NWD1: variants seen among roughly 807,000 people sequenced by gnomAD.
The protein encoded by NWD1 is NACHT domain- and WD repeat-containing protein 1.
Under a neutral mutation model 135.1 loss-of-function variants are expected in NWD1, and 129 were observed. The observed-to-expected ratio is 0.96, with a 90% confidence interval of 0.83 to 1.11. The LOEUF (loss-of-function observed/expected upper bound fraction) is 1.11. Among genes scored for constraint, NWD1 ranks in the 50% least tolerant of loss-of-function variants. NWD1 has a pLI of 0.00. For synonymous variants in NWD1, 773 were observed against 786.0 expected (o/e 0.98, Z 0.28); for missense variants, 1,740 against 1,851.3 (o/e 0.94, Z 1.10).
At chr19:16,741,621 G>A (rs1160237416) in intron 4 of NWD1, among the ~76,000 whole-genome samples, 2 of 151,498 alleles carry the variant, frequency 1.3e-5, no homozygotes, top group African/African-American at 4.8e-5. Flanking sequence ...CACCTGCCTC[G>A]GCCTCCCAAA....
At chr19:16,775,661 T>C (rs922354732) in intron 11 of NWD1, among the ~76,000 whole-genome samples, 20 of 152,176 alleles carry the variant, frequency 1.3e-4, no homozygotes, top group African/African-American at 4.6e-4. Flanking sequence ...TATGTTTTTA[T>C]ATTTTTATTT....
Position 16,779,460 on chromosome 19 carries a change from A to G in NWD1, c.2726A>G (p.His909Arg). The G allele has an allele frequency of 5.6e-6, 9 of 1,613,092 alleles. No homozygotes were observed. Among genetic ancestry groups the G allele is most frequent in the Non-Finnish European group, 7.6e-6 (9 of 1,179,954 alleles). Reference protein sequence around the residue: ...EQHVIHMLTGHTGEVRCVKIF... With the variant: ...EQHVIHMLTGRTGEVRCVKIF... ...CATGTGATCCACATGCTAACTGGACACACAGGTGAGACTTGGGAAGTGGGC... is the reference window on the plus strand; with the variant it reads ...CATGTGATCCACATGCTAACTGGACGCACAGGTGAGACTTGGGAAGTGGGC... The change falls in exon 12 of 19, where the codon CAC becomes CGC. Residue 909 changes from histidine to arginine, a missense_variant. His to Arg is a conservative substitution (Grantham distance 29). Transcript: ENST00000524140.
chr19:16,790,178 G>GA (rs938302420), intron 13 of NWD1, among the ~76,000 whole-genome samples: 9 of 151,732 alleles, frequency 5.9e-5, no homozygotes, highest in African/African-American at 1.9e-4. Context: ...ATGCCAGGAG[G>GA]AAAAAAAATC....
intron 14 of NWD1, among the ~76,000 whole-genome samples, chr19:16,791,876 G>C (rs1970259347): frequency 6.6e-6 from 1 of 152,084 alleles, no homozygotes; most frequent in Non-Finnish European, 1.5e-5. Flanking sequence ...CACCACGCCT[G>C]GCTAATTTTG....
At position 16,815,495 on chromosome 19, in the gene NWD1, C is replaced by G. The variant is rs541172574; in HGVS notation, c.*456C>G. On this transcript the variant is annotated 3_prime_UTR_variant, in exon 19 of 19. Transcript: ENST00000524140. ...CTTCTCATCTTTCCATTATTCTTTC[C>G]TCTTTTTCATTTTCATTCTCAGACT... The G allele has an allele frequency of 7.1e-6, 4 of 564,674 alleles. No individual in the cohort carries two copies. In the East Asian group the frequency reaches 8.8e-5, roughly 12 times the overall value. 35.0% of individuals were successfully genotyped at this position (564,674 alleles called of 1,614,324 possible).
intron 12 of NWD1, among the ~76,000 whole-genome samples, chr19:16,781,853 G>A (rs1191843265): frequency 6.6e-6 from 1 of 151,958 alleles, no homozygotes; most frequent in South Asian, 2.1e-4. Flanking sequence ...AGCACTTTGG[G>A]AGGCCTAGGC....
chr19:16,750,987 C>T (rs555076941), intron 6 of NWD1, among the ~76,000 whole-genome samples: 6 of 151,356 alleles, frequency 4.0e-5, no homozygotes, highest in South Asian at 4.2e-4. Context: ...TTTGGGAGGC[C>T]GAGGCGGGCG....
chr19:16,738,007 AAAG>A (rs1967909350), intron 4 of NWD1, among the ~76,000 whole-genome samples: 1 of 151,762 alleles, frequency 6.6e-6, no homozygotes, highest in Non-Finnish European at 1.5e-5. Flanking sequence ...AAAGAAAAGA[AAAG>A]AAATTCTAGA....
At chr19:16,790,639 A>T (rs371490507) in intron 13 of NWD1, among the ~76,000 whole-genome samples, 1 of 147,336 alleles carries the variant, frequency 6.8e-6, no homozygotes, top group African/African-American at 2.5e-5. Context: ...CATTAAAAAA[A>T]AATAAATAAA....
intron 9 of NWD1, 73 bp downstream of exon 9, chr19:16,764,018 G>A (rs976838978): frequency 3.3e-6 from 3 of 910,360 alleles, no homozygotes; most frequent in East Asian, 2.4e-5. Flanking sequence ...AGAGCCTGGG[G>A]AGGGTGAAGG....
In NWD1 at chr19:16,797,855, T is replaced by TC. The variant is rs754931018; in HGVS notation, c.3429dup (p.Ile1144HisfsTer6). The TC allele has an allele frequency of 2.0e-5, 32 of 1,614,028 alleles. No homozygotes were observed. Among genetic ancestry groups the TC allele is most frequent in the Non-Finnish European group, 2.6e-5 (31 of 1,179,924 alleles). ...GTTTTTGGTACTGAGAACAACCTGATCATCACGGGGTCCCTTGATGCGCTC... is the reference window on the plus strand; with the variant it reads ...GTTTTTGGTACTGAGAACAACCTGATCCATCACGGGGTCCCTTGATGCGCTC... On this transcript the variant is annotated frameshift_variant, in exon 16 of 19. Coordinates refer to ENST00000524140, the MANE Select transcript of NWD1 (RefSeq NM_001007525.5). LOFTEE classifies it high-confidence loss of function.
chr19:16,777,993 G>A (rs2122984008), intron 11 of NWD1, among the ~76,000 whole-genome samples: 1 of 122,954 alleles, frequency 8.1e-6, no homozygotes, highest in Non-Finnish European at 1.7e-5. Context: ...GAGGAAGGGG[G>A]AGGGAAGGGA....
chr19:16,725,350 C>A (rs1447453218), intron 2 of NWD1, among the ~76,000 whole-genome samples: 1 of 151,166 alleles, frequency 6.6e-6, no homozygotes, highest in Non-Finnish European at 1.5e-5. Flanking sequence ...TGATGGTGCA[C>A]ACCTGTAGTC....
Position 16,797,768 on chromosome 19 carries a change from C to T in NWD1, c.3341C>T (p.Ser1114Leu), listed in dbSNP as rs548514304. 28 of 1,614,020 alleles carry T rather than the reference C, an allele frequency of 1.7e-5. No individual in the cohort carries two copies. The highest frequency in any genetic ancestry group is 6.7e-5 in the East Asian group (3 of 44,874). Residue 1114 changes from serine (S) to leucine (L), a missense_variant, in exon 16 of 19, where the codon TCG becomes TTG. Ser to Leu is a moderately radical substitution (Grantham distance 145). Transcript: ENST00000524140. ...TCGGTGCGGATATTCTTGGCGGACT[C>T]GAGGGGCTTTCGCCGATTCATGGCC... is the stretch of plus-strand genomic sequence containing the variant. ...GRSVRIFLAD[S>L]RGFRRFMAMD...
intron 12 of NWD1, among the ~76,000 whole-genome samples, chr19:16,788,562 G>A (rs1342932852): frequency 3.3e-5 from 4 of 120,460 alleles, no homozygotes; most frequent in South Asian, 2.5e-4. Context: ...GAGAGAGTCC[G>A]TCAAAAAAAA....
In NWD1 at chr19:16,788,272, A is replaced by AATG. The variant is rs1193335138; in HGVS notation, c.2732-708_2732-707insGAT. 8.4e-3 allele frequency among the ~76,000 whole-genome samples: 1,188 copies of AATG among 140,796 alleles called. 16 individuals carry two copies. Among genetic ancestry groups the AATG allele is most frequent in the Non-Finnish European group, 0.013 (863 of 65,804 alleles). 92.4% of individuals were successfully genotyped at this position (140,796 alleles called of 152,430 possible). ...TAATAATAATAATAATAATAATAATAATAATAATAATAAAAGGCCAGGCAT... is the reference window on the plus strand; with the variant it reads ...TAATAATAATAATAATAATAATAATAATGATAATAATAATAAAAGGCCAGGCAT... On this transcript the variant is annotated intron_variant, in intron 12 of 18. Coordinates refer to ENST00000524140, the MANE Select transcript of NWD1 (RefSeq NM_001007525.5).
chr19:16,760,043 T>C (rs1968949572), intron 7 of NWD1, among the ~76,000 whole-genome samples: 1 of 150,568 alleles, frequency 6.6e-6, no homozygotes, highest in Non-Finnish European at 1.5e-5. Flanking sequence ...TGGTCCCAGC[T>C]ACTTGGGAGG....
chr19:16,808,474 T>C (rs1970824400), intron 18 of NWD1, among the ~76,000 whole-genome samples: 1 of 151,406 alleles, frequency 6.6e-6, no homozygotes, highest in Non-Finnish European at 1.5e-5. Context: ...CGCTTGAAAT[T>C]GGGAGGCAGA....
intron 18 of NWD1, among the ~76,000 whole-genome samples, chr19:16,813,978 TCTGTCTCTA>T (rs1011713411): frequency 1.8e-4 from 27 of 151,482 alleles, no homozygotes; most frequent in Non-Finnish European, 3.5e-4. Flanking sequence ...ATAGCGAGAC[TCTGTCTCTA>T]CAAAAAAAAA....
Sources: gnomAD v4.1 joint callset for allele counts (sites outside exome capture counted in the v4.1 genomes callset) on GRCh38, gnomAD v4.1.1 for gene constraint, MANE v1.5 for transcripts, NCBI Gene and HGNC (gene_info 2026-07-23, HGNC 2026-07-21) for gene names.